The following FRYL variants were observed in gnomAD, a reference collection of about 807,000 sequenced individuals.
FRYL encodes FRY like transcription coactivator, also known as protein furry homolog-like.
In FRYL, 150 loss-of-function variants were observed where a neutral mutation model predicts 351.2. The ratio of observed to expected loss-of-function variants is 0.43; its 90% CI spans 0.37 to 0.49. FRYL has a LOEUF of 0.49. FRYL is among the 20% of genes least tolerant of loss of function. The pLI, the probability that FRYL is intolerant of heterozygous loss-of-function variation, is 0.00. For missense variants in FRYL, 3,036 were observed against 3,619.3 expected, an observed-to-expected ratio of 0.84 and a Z score of 4.13; for synonymous variants, 1,153 against 1,257.1, an observed-to-expected ratio of 0.92 and a Z score of 1.75.
chr4:48,754,778 A>T (rs1399234104), intron 1 of FRYL, among the ~76,000 whole-genome samples: 2 of 150,652 alleles, frequency 1.3e-5, no homozygotes, highest in Non-Finnish European at 2.9e-5. Flanking sequence ...AGTCGCTGGG[A>T]CTACAGACAT....
chr4:48,576,287 T>A, intron 23 of FRYL, 65 bp from the exon 24 acceptor site: 2 of 1,218,770 alleles, frequency 1.6e-6, no homozygotes, highest in Non-Finnish European at 2.2e-6. Context: ...AAGTTTATTT[T>A]AACTAATGCT....
intron 20 of FRYL, among the ~76,000 whole-genome samples, chr4:48,582,267 C>A (rs1019978057): frequency 6.6e-6 from 1 of 152,116 alleles, no homozygotes; most frequent in African/African-American, 2.4e-5. Flanking sequence ...TCTCTAATTT[C>A]TATGCTCATT....
intron 3 of FRYL, among the ~76,000 whole-genome samples, chr4:48,671,878 A>C (rs1382406668): frequency 2.1e-3 from 305 of 147,210 alleles, no homozygotes; most frequent in African/African-American, 6.8e-3. Flanking sequence ...AAAAACAAAA[A>C]AAAAAAAAAA....
chr4:48,774,546 A>ATTT (rs1440410385), intron 1 of FRYL, among the ~76,000 whole-genome samples: 1 of 143,212 alleles, frequency 7.0e-6, no homozygotes, highest in Non-Finnish European at 1.5e-5. Flanking sequence ...AATACAAATA[A>ATTT]TTTTTTTTTT....
chr4:48,712,943 G>A (rs903407750), intron 1 of FRYL, among the ~76,000 whole-genome samples: 1 of 152,130 alleles, frequency 6.6e-6, no homozygotes, highest in Non-Finnish European at 1.5e-5. Context: ...TTAAAGAAAA[G>A]AATTTTCAAC....
intron 35 of FRYL, among the ~76,000 whole-genome samples, chr4:48,555,266 T>C (rs1733816603): frequency 6.6e-6 from 1 of 152,190 alleles, no homozygotes. Context: ...ATGGGCACCT[T>C]CTATGTGCCA....
intron 16 of FRYL, among the ~76,000 whole-genome samples, chr4:48,591,225 AC>A (rs1743177509): frequency 6.6e-6 from 1 of 152,136 alleles, no homozygotes; most frequent in South Asian, 2.1e-4. Context: ...ATTTACTTAT[AC>A]CTGCACCTCT....
intron 3 of FRYL, among the ~76,000 whole-genome samples, chr4:48,652,172 GC>G (rs1757841460): frequency 6.6e-6 from 1 of 152,190 alleles, no homozygotes. Flanking sequence ...TATTTAAATG[GC>G]CATAAAACAG....
intron 1 of FRYL, among the ~76,000 whole-genome samples, chr4:48,773,836 G>A (rs1298150542): frequency 2.0e-5 from 3 of 152,178 alleles, no homozygotes; most frequent in African/African-American, 4.8e-5. Context: ...AGGATCACTT[G>A]AGCCCAGCTG....
At chr4:48,779,863 T>C (rs1355455637) in intron 1 of FRYL, among the ~76,000 whole-genome samples, 2 of 151,122 alleles carry the variant, frequency 1.3e-5, no homozygotes, top group East Asian at 4.0e-4. Context: ...CGCCGCGGTT[T>C]GGTGTCCGTT....
chr4:48,526,931 A>G (rs1475634192), intron 53 of FRYL, among the ~76,000 whole-genome samples: 1 of 152,230 alleles, frequency 6.6e-6, no homozygotes, highest in African/African-American at 2.4e-5. Flanking sequence ...AAAGAAGCTC[A>G]GTCATTTGCC....
chr4:48,526,333 G>A (rs1257319815), intron 53 of FRYL, among the ~76,000 whole-genome samples: 1 of 152,128 alleles, frequency 6.6e-6, no homozygotes, highest in African/African-American at 2.4e-5. Context: ...AACTTTCAGG[G>A]TTAAGAGACT....
intron 50 of FRYL, among the ~76,000 whole-genome samples, chr4:48,529,734 T>C (rs1727112081): frequency 6.6e-6 from 1 of 152,172 alleles, no homozygotes; most frequent in Admixed American, 6.5e-5. Context: ...ACTTCCTTCT[T>C]GAAAAGTTCC....
intron 2 of FRYL, among the ~76,000 whole-genome samples, chr4:48,704,723 C>T (rs1336307706): frequency 2.6e-5 from 4 of 151,810 alleles, no homozygotes; most frequent in East Asian, 1.9e-4. Flanking sequence ...CTGAGGCAGG[C>T]GGATCACCTG....
chr4:48,724,549 C>A (rs1769866188), intron 1 of FRYL, among the ~76,000 whole-genome samples: 1 of 152,180 alleles, frequency 6.6e-6, no homozygotes, highest in Non-Finnish European at 1.5e-5. Flanking sequence ...GTCTACCCGA[C>A]TAAAAAGCAA....
intron 2 of FRYL, among the ~76,000 whole-genome samples, chr4:48,690,033 A>G (rs914440461): frequency 2.7e-5 from 4 of 149,462 alleles, no homozygotes; most frequent in African/African-American, 4.9e-5. Flanking sequence ...ACTAGCTGGG[A>G]CTACAGGTGC....
intron 3 of FRYL, among the ~76,000 whole-genome samples, chr4:48,661,539 T>C (rs1223225112): frequency 1.3e-5 from 2 of 152,218 alleles, no homozygotes; most frequent in African/African-American, 2.4e-5. Context: ...CTAGCAACTA[T>C]CTAAGCACTC....
At chr4:48,725,984 A>G (rs1770034821) in intron 1 of FRYL, among the ~76,000 whole-genome samples, 1 of 152,160 alleles carries the variant, frequency 6.6e-6, no homozygotes. Context: ...CTATATAGGA[A>G]AAAAAATCAC....
At chr4:48,501,171 T>C (rs1719554732) in intron 62 of FRYL, among the ~76,000 whole-genome samples, 1 of 151,858 alleles carries the variant, frequency 6.6e-6, no homozygotes, top group South Asian at 2.1e-4. Context: ...TATGTCTTTA[T>C]TGAACTGATG....
Sources: allele counts gnomAD v4.1 joint callset (sites outside exome capture counted in the v4.1 genomes callset), GRCh38; gene constraint gnomAD v4.1.1; transcripts MANE v1.5; gene names NCBI Gene and HGNC (gene_info 2026-07-23, HGNC 2026-07-21).